The following LRRC59 variants were observed in gnomAD, a reference collection of about 807,000 sequenced individuals.
LRRC59 encodes the protein leucine rich repeat containing 59, also known as leucine-rich repeat-containing protein 59.
Under a neutral mutation model 33.5 loss-of-function variants are expected in LRRC59, and 18 were observed. The observed-to-expected ratio is 0.54, with a 90% CI of 0.37 to 0.80. The LOEUF (loss-of-function observed/expected upper bound fraction) is 0.80, where lower values mean the gene tolerates loss of function less well. LRRC59 is among the 30% of genes least tolerant of loss of function. LRRC59 has a pLI of 0.00. For synonymous variants in LRRC59, 138 were observed against 160.0 expected (o/e 0.86, Z 1.04); for missense variants, 330 against 391.9 (o/e 0.84, Z 1.33).
intron 4 of LRRC59, among the ~76,000 whole-genome samples, chr17:50,390,361 A>G (rs73346049): frequency 0.041 from 6,103 of 150,262 alleles, 420 homozygotes; most frequent in African/African-American, 0.14. Context: ...TCATGGTGGC[A>G]TGCCCCTGTA....
At chr17:50,391,255 CTT>C (rs1197971172) in intron 4 of LRRC59, among the ~76,000 whole-genome samples, 11 of 152,308 alleles carry the variant, frequency 7.2e-5, no homozygotes, top group African/African-American at 2.6e-4. Context: ...AGGGAAAACT[CTT>C]GTCTTAGCTA....
At chr17:50,384,326 A>G (rs1229444239) in intron 6 of LRRC59, among the ~76,000 whole-genome samples, 2 of 151,894 alleles carry the variant, frequency 1.3e-5, no homozygotes, top group East Asian at 3.9e-4. Context: ...ACACTTGGCT[A>G]ATTTTTTAAT....
At chr17:50,392,703 AC>A (rs779224610) in intron 3 of LRRC59, 35 bp downstream of exon 3, 1 of 1,607,690 alleles carries the variant, frequency 6.2e-7, no homozygotes, top group Admixed American at 1.7e-5. Context: ...GTTCTCTGCC[AC>A]CCTGGCCATG....
chr17:50,390,424 G>A (rs1034859414), intron 4 of LRRC59, among the ~76,000 whole-genome samples: 3 of 151,826 alleles, frequency 2.0e-5, no homozygotes, highest in Non-Finnish European at 2.9e-5. Flanking sequence ...CCCGGGAGGC[G>A]CAGGTTGCAG....
At chr17:50,394,882 A>G in intron 2 of LRRC59, 47 bp downstream of exon 2, 2 of 1,191,698 alleles carry the variant, frequency 1.7e-6, no homozygotes, top group South Asian at 1.3e-5. Context: ...CAGGAAGGAG[A>G]TGCATCCAAG....
At position 50,397,341 on chromosome 17, in the gene LRRC59, C is replaced by T; in HGVS notation, c.-24G>A. ...ATGGTAACGCCGGCTGAGCGGGCCC[C>T]GGCTCCGGGGTTCCGGCGGGTGAAA... On this transcript the variant is annotated 5_prime_UTR_variant, in exon 1 of 7. Transcript: ENST00000225972. 6.3e-7 allele frequency: 1 copy of T among 1,582,928 alleles called. No individual in the cohort carries two copies. The highest frequency in any genetic ancestry group is 1.4e-5 in the African/African-American group (1 of 72,994).
rs758251033 is a variant in LRRC59, at chr17:50,385,176, G to A, written c.618C>T (p.Leu206=). The change falls in exon 6 of 7, where the codon CTC becomes CTT. Residue 206 remains leucine (L), a synonymous_variant. Coordinates refer to ENST00000225972, the MANE Select transcript of LRRC59 (RefSeq NM_018509.4). Reference sequence around the variant, plus strand: ...TCTCCTGCTCCCGCTTGGCTGCTTTGAGGGCATCATACTCCTTTCTCCGGC... The same window carrying A: ...TCTCCTGCTCCCGCTTGGCTGCTTTAAGGGCATCATACTCCTTTCTCCGGC... ...KERRRKEYDA[L]KAAKREQEKK... The A allele has an allele frequency of 4.3e-6, 7 of 1,614,034 alleles. No homozygotes were observed. The highest frequency in any genetic ancestry group is 5.1e-6 in the Non-Finnish European group (6 of 1,180,042).
intron 4 of LRRC59, among the ~76,000 whole-genome samples, chr17:50,389,397 T>TA (rs375150024): frequency 9.8e-5 from 15 of 152,304 alleles, no homozygotes; most frequent in African/African-American, 3.4e-4. Context: ...GACTACCCCT[T>TA]ATTGTATAAC....
intron 6 of LRRC59, among the ~76,000 whole-genome samples, chr17:50,384,224 G>C (rs1169134887): frequency 6.6e-6 from 1 of 152,018 alleles, no homozygotes; most frequent in East Asian, 2.0e-4. Flanking sequence ...TAGTGTTCAA[G>C]CAGTGAGGGG....
intron 1 of LRRC59, chr17:50,396,095 T>C (rs1333167688): frequency 6.6e-6 from 1 of 152,108 alleles, no homozygotes; most frequent in Non-Finnish European, 1.5e-5. Context: ...AAAGGAGGCA[T>C]ATATTCAGTT....
intron 5 of LRRC59, among the ~76,000 whole-genome samples, chr17:50,385,562 A>C (rs1913982038): frequency 6.6e-6 from 1 of 152,212 alleles, no homozygotes; most frequent in African/African-American, 2.4e-5. Flanking sequence ...GGAGGACCTA[A>C]GAAAGGCATG....
At chr17:50,395,675 G>A (rs1010892803) in intron 1 of LRRC59, among the ~76,000 whole-genome samples, 3 of 152,178 alleles carry the variant, frequency 2.0e-5, no homozygotes, top group African/African-American at 7.2e-5. Context: ...ACCACTTTGG[G>A]AGGCTGAGGC....
intron 1 of LRRC59, 58 bp downstream of exon 1, chr17:50,397,155 A>T: frequency 7.7e-7 from 1 of 1,296,562 alleles, no homozygotes; most frequent in Non-Finnish European, 1.1e-6. Context: ...TAAGTGGCCC[A>T]CGTAGGGGCC....
In LRRC59 at chr17:50,381,463, G is replaced by A. The variant is rs1245851861; in HGVS notation, c.*1525C>T. On this transcript the variant is annotated 3_prime_UTR_variant, in exon 7 of 7. Coordinates refer to ENST00000225972, the MANE Select transcript of LRRC59 (RefSeq NM_018509.4). ...ATAAAGCATTTGTACCAATGGCTCT[G>A]GAGCTTGGAGGAAGACTAAAGGAAT... 6.4e-6 allele frequency: 1 copy of A among 157,324 alleles called. No individual in the cohort carries two copies. The highest frequency in any genetic ancestry group is 2.4e-5 in the African/African-American group (1 of 41,494). The allele number at this position is 157,324 out of a possible 1,614,324, so 9.7% of individuals were successfully genotyped here.
At chr17:50,395,032 G>T (rs745855706) in intron 1 of LRRC59, 44 bp from the exon 2 acceptor site, 12 of 1,362,640 alleles carry the variant, frequency 8.8e-6, no homozygotes, top group Admixed American at 1.7e-5. Flanking sequence ...CCAACATCTG[G>T]AACAATTCAC....
In LRRC59 at chr17:50,383,217, C is replaced by CG; in HGVS notation, c.694dup (p.Arg232ProfsTer54). ...CTTCCGGGGTGGTGGCTTGCGGGGA[C>CG]GGGAGCCAGACTTAGATTCTGGAGG... On this transcript the variant is annotated frameshift_variant, in exon 7 of 7. Transcript: ENST00000225972. LOFTEE classifies it high-confidence loss of function. 6.4e-7 allele frequency: 1 copy of CG among 1,552,644 alleles called. No individual in the cohort carries two copies. Among genetic ancestry groups the CG allele is most frequent in the South Asian group, 1.2e-5 (1 of 84,152 alleles).
At position 50,382,674 on chromosome 17, in the gene LRRC59, T is replaced by G. The variant is rs1913892399; in HGVS notation, c.*314A>C. 2.9e-6 allele frequency: 1 copy of G among 348,864 alleles called. No homozygotes were observed. The highest frequency in any genetic ancestry group is 5.3e-6 in the Non-Finnish European group (1 of 188,890). 21.6% of individuals were successfully genotyped at this position (348,864 alleles called of 1,614,324 possible). A position where few individuals can be genotyped will look rare whatever the true frequency, so the allele number is the denominator to read the frequency against. ...CTGACCATTTAGTAGAAACGAGCCT[T>G]GCCTTTACACAGCTTTATATAACAA... is the stretch of plus-strand genomic sequence containing the variant. On this transcript the variant is annotated 3_prime_UTR_variant, in exon 7 of 7. Transcript: ENST00000225972.
At chr17:50,392,008 G>C (rs1914155507) in intron 4 of LRRC59, among the ~76,000 whole-genome samples, 1 of 152,310 alleles carries the variant, frequency 6.6e-6, no homozygotes, top group Non-Finnish European at 1.5e-5. Flanking sequence ...AGACCAGCCT[G>C]GCCAACGTGG....
At chr17:50,390,802 C>T (rs1914125485) in intron 4 of LRRC59, among the ~76,000 whole-genome samples, 1 of 152,262 alleles carries the variant, frequency 6.6e-6, no homozygotes, top group Admixed American at 6.5e-5. Flanking sequence ...CATTTCCCTA[C>T]AAAGCCTAAA....
Sources: gnomAD v4.1 joint callset for allele counts (sites outside exome capture counted in the v4.1 genomes callset) on GRCh38, gnomAD v4.1.1 for gene constraint, MANE v1.5 for transcripts, NCBI Gene and HGNC (gene_info 2026-07-23, HGNC 2026-07-21) for gene names.